Variants in NKAIN3 observed in about 807,000 individuals in gnomAD.
The protein encoded by NKAIN3 is sodium/potassium transporting ATPase interacting 3, also known as sodium/potassium-transporting ATPase subunit beta-1-interacting protein 3.
NKAIN3 carries 25 observed loss-of-function variants against 30.2 expected under a neutral mutation model. That is an observed-to-expected ratio of 0.83 (90% CI 0.60 to 1.16). NKAIN3 has a LOEUF of 1.16. Ranked by LOEUF, NKAIN3 falls within the 50% of genes most tolerant of loss-of-function variation. The pLI is 0.00. For missense variants in NKAIN3, 225 were observed against 254.1 expected, an observed-to-expected ratio of 0.89 and a Z score of 0.78; for synonymous variants, 91 against 89.6, an observed-to-expected ratio of 1.02 and a Z score of -0.09.
intron 1 of NKAIN3, among the ~76,000 whole-genome samples, chr8:62,485,817 G>A (rs1806882157): frequency 6.6e-6 from 1 of 152,228 alleles, no homozygotes; most frequent in African/African-American, 2.4e-5. Context: ...GTCAACTTGA[G>A]AGGTTGAACA....
intron 4 of NKAIN3, among the ~76,000 whole-genome samples, chr8:62,830,509 A>G (rs927286010): frequency 5.3e-5 from 8 of 152,218 alleles, no homozygotes; most frequent in Admixed American, 3.3e-4. Context: ...CCCAATTAAC[A>G]TAATTTGCCT....
intron 4 of NKAIN3, among the ~76,000 whole-genome samples, chr8:62,836,788 A>C (rs141399533): frequency 6.6e-6 from 1 of 152,154 alleles, no homozygotes; most frequent in African/African-American, 2.4e-5. Flanking sequence ...CTTTGGCAAG[A>C]ACAAGTGTCC....
Position 62,981,012 on chromosome 8 carries a change from G to T in NKAIN3, c.*15605G>T, listed in dbSNP as rs578094711. 6.6e-6 allele frequency: 1 copy of T among 152,232 alleles called. No individual in the cohort carries two copies. The highest frequency in any genetic ancestry group is 2.4e-5 in the African/African-American group (1 of 41,540). 9.4% of individuals were successfully genotyped at this position (152,232 alleles called of 1,614,324 possible). On this transcript the variant is annotated 3_prime_UTR_variant, in exon 7 of 7. Transcript: ENST00000623646. ...GTGTTCCTAGGCCCACAAAGTCTTT[G>T]GTCTGAAGACTCAGAGCTTAAATTG...
At chr8:62,391,866 A>G (rs1434858875) in intron 1 of NKAIN3, among the ~76,000 whole-genome samples, 3 of 151,704 alleles carry the variant, frequency 2.0e-5, no homozygotes. Flanking sequence ...TAGGAAATAT[A>G]CAGAGCATCA....
chr8:62,520,731 T>G (rs896968418), intron 1 of NKAIN3, among the ~76,000 whole-genome samples: 1 of 152,094 alleles, frequency 6.6e-6, no homozygotes, highest in Non-Finnish European at 1.5e-5. Context: ...ATTTCGAGTA[T>G]ACAGGTGGCT....
chr8:62,546,733 A>G (rs13439470), intron 1 of NKAIN3, among the ~76,000 whole-genome samples: 5,985 of 152,288 alleles, frequency 0.039, 354 homozygotes, highest in African/African-American at 0.13. Flanking sequence ...CTATGATTTC[A>G]CTTCTATTTA....
chr8:62,741,365 A>AGGAC (rs756746245), intron 3 of NKAIN3, among the ~76,000 whole-genome samples: 3,773 of 25,640 alleles, frequency 0.15, 106 homozygotes, highest in South Asian at 0.19. Context: ...GAGAGAAAGA[A>AGGAC]GGAAGGAAGG....
At chr8:62,987,219 T>G (rs1464270922), downstream of NKAIN3, among the ~76,000 whole-genome samples, 1 of 151,446 alleles carries the variant, frequency 6.6e-6, no homozygotes, top group Non-Finnish European at 1.5e-5. Flanking sequence ...AGACCACGTA[T>G]CTACTAAAAA....
At chr8:62,804,876 G>T (rs1431010125) in intron 4 of NKAIN3, among the ~76,000 whole-genome samples, 4 of 152,122 alleles carry the variant, frequency 2.6e-5, no homozygotes, top group African/African-American at 7.2e-5. Flanking sequence ...TGTTTGCAGA[G>T]GACATGATTG....
intron 3 of NKAIN3, among the ~76,000 whole-genome samples, chr8:62,678,615 CATT>C (rs1813552976): frequency 6.6e-6 from 1 of 151,144 alleles, no homozygotes; most frequent in Non-Finnish European, 1.5e-5. Context: ...TTAGTACCAT[CATT>C]ATTATATATT....
intron 3 of NKAIN3, 30 bp from the exon 4 acceptor site, chr8:62,746,902 A>T: frequency 6.6e-7 from 1 of 1,521,912 alleles, no homozygotes; most frequent in South Asian, 1.2e-5. Flanking sequence ...CAATTTCCTC[A>T]TTTTGCTCTT....
At chr8:62,751,965 C>T (rs1473492636) in intron 4 of NKAIN3, among the ~76,000 whole-genome samples, 1 of 152,068 alleles carries the variant, frequency 6.6e-6, no homozygotes, top group Non-Finnish European at 1.5e-5. Context: ...AGGAAAGCTT[C>T]TTGCAGGATA....
chr8:62,591,388 A>C (rs1810646256), intron 3 of NKAIN3, among the ~76,000 whole-genome samples: 1 of 151,960 alleles, frequency 6.6e-6, no homozygotes. Flanking sequence ...CAGATTTTCC[A>C]ATAATAATAG....
intron 4 of NKAIN3, among the ~76,000 whole-genome samples, chr8:62,914,439 C>A (rs1266339188): frequency 6.6e-6 from 1 of 152,126 alleles, no homozygotes; most frequent in Non-Finnish European, 1.5e-5. Flanking sequence ...ACAACAAACC[C>A]CTGGCACATG....
At chr8:62,327,163 A>C (rs1242685606) in intron 1 of NKAIN3, among the ~76,000 whole-genome samples, 2 of 151,848 alleles carry the variant, frequency 1.3e-5, no homozygotes, top group African/African-American at 4.8e-5. Flanking sequence ...TTTGAAACAG[A>C]TTTTTTGTTG....
chr8:62,786,610 T>C lies in NKAIN3; in HGVS notation c.471+39481T>C, dbSNP rs368863646. Reference sequence around the variant, plus strand: ...GGCACAAAAAAGAAAATTGGTCTTGTAATTGCATTCTGTCAAACAGCTAGA... The same window carrying C: ...GGCACAAAAAAGAAAATTGGTCTTGCAATTGCATTCTGTCAAACAGCTAGA... On this transcript the variant is annotated intron_variant, in intron 4 of 6. Coordinates refer to ENST00000623646, the MANE Select transcript of NKAIN3 (RefSeq NM_001304533.3). Among the ~76,000 whole-genome samples the C allele has an allele frequency of 2.6e-5, 4 of 152,318 alleles. No individual in the cohort carries two copies. The East Asian group carries it at 7.7e-4, about 29-fold the overall frequency.
At chr8:62,747,227 A>G in intron 4 of NKAIN3, 98 bp downstream of exon 4, 2 of 707,004 alleles carry the variant, frequency 2.8e-6, no homozygotes, top group Non-Finnish European at 4.8e-6. Flanking sequence ...AGATAAGCAC[A>G]CAGAGAACAT....
At chr8:62,692,459 G>A (rs1399961779) in intron 3 of NKAIN3, among the ~76,000 whole-genome samples, 1 of 152,100 alleles carries the variant, frequency 6.6e-6, no homozygotes, top group African/African-American at 2.4e-5. Context: ...AGGCCTAGAA[G>A]AACACTCAAG....
At chr8:62,619,424 C>A (rs1811556604) in intron 3 of NKAIN3, among the ~76,000 whole-genome samples, 1 of 152,192 alleles carries the variant, frequency 6.6e-6, no homozygotes, top group South Asian at 2.1e-4. Flanking sequence ...ACATTCCTTT[C>A]TATTGATAAT....
Sources: gnomAD v4.1 joint callset for allele counts (sites outside exome capture counted in the v4.1 genomes callset) on GRCh38, gnomAD v4.1.1 for gene constraint, MANE v1.5 for transcripts, NCBI Gene and HGNC (gene_info 2026-07-23, HGNC 2026-07-21) for gene names.